The following EXT1 variants were observed in gnomAD, a reference collection of about 807,000 sequenced individuals.
The protein encoded by EXT1 is exostosin glycosyltransferase 1.
In EXT1, 20 loss-of-function variants were observed where a neutral mutation model predicts 82.5. The observed-to-expected ratio is 0.24, with a 90% CI of 0.17 to 0.35. EXT1 has a LOEUF of 0.35. EXT1 is among the 10% of genes least tolerant of loss of function. The pLI, the probability that EXT1 is intolerant of heterozygous loss-of-function variation, is 1.00. For synonymous variants in EXT1, 348 were observed against 350.8 expected, an observed-to-expected ratio of 0.99 and a Z score of 0.09; for missense variants, 757 against 936.5, an observed-to-expected ratio of 0.81 and a Z score of 2.50.
At chr8:117,876,486 AT>A (rs1225191046) in intron 1 of EXT1, among the ~76,000 whole-genome samples, 1 of 152,236 alleles carries the variant, frequency 6.6e-6, no homozygotes, top group East Asian at 1.9e-4. Context: ...TGTTCCACAT[AT>A]GTGGTCCAAT....
intron 1 of EXT1, among the ~76,000 whole-genome samples, chr8:118,000,538 T>C (rs1327015815): frequency 1.3e-5 from 2 of 152,226 alleles, no homozygotes; most frequent in South Asian, 4.1e-4. Flanking sequence ...GGCAATGTCT[T>C]AGCTGTAGCT....
chr8:117,934,588 G>A (rs1814123764), intron 1 of EXT1, among the ~76,000 whole-genome samples: 1 of 152,140 alleles, frequency 6.6e-6, no homozygotes, highest in Non-Finnish European at 1.5e-5. Flanking sequence ...AACCCTCTTT[G>A]CTTCCCTGTA....
At chr8:117,815,934 C>CA (rs58788900) in intron 7 of EXT1, among the ~76,000 whole-genome samples, 5,168 of 116,358 alleles carry the variant, frequency 0.044, 283 homozygotes, top group African/African-American at 0.15. Context: ...AACTCTGCCT[C>CA]AAAAAAAAAA....
At chr8:117,886,218 T>C (rs754457098) in intron 1 of EXT1, among the ~76,000 whole-genome samples, 4 of 152,214 alleles carry the variant, frequency 2.6e-5, no homozygotes, top group Non-Finnish European at 5.9e-5. Context: ...AATAAAGTTT[T>C]TGTTTGTTTG....
chr8:118,071,508 C>A (rs1817093905), intron 1 of EXT1, among the ~76,000 whole-genome samples: 1 of 147,838 alleles, frequency 6.8e-6, no homozygotes, highest in Non-Finnish European at 1.5e-5. Context: ...ATGACGATTA[C>A]CATCGCAAAA....
At chr8:117,923,725 C>CA (rs1194258802) in intron 1 of EXT1, among the ~76,000 whole-genome samples, 3,398 of 108,892 alleles carry the variant, frequency 0.031, 135 homozygotes, top group African/African-American at 0.098. Context: ...GACTCTGTCT[C>CA]AAAAAAAAAA....
intron 5 of EXT1, among the ~76,000 whole-genome samples, chr8:117,821,928 G>T (rs1811930956): frequency 6.6e-6 from 1 of 152,194 alleles, no homozygotes; most frequent in Non-Finnish European, 1.5e-5. Flanking sequence ...TGAAAGCAGA[G>T]ATTGTATCTT....
intron 1 of EXT1, among the ~76,000 whole-genome samples, chr8:117,900,671 G>A (rs915572206): frequency 3.9e-5 from 6 of 152,192 alleles, no homozygotes; most frequent in African/African-American, 1.4e-4. Context: ...GGAGTCAGCA[G>A]AGGCATGGGG....
At chr8:118,088,885 C>G (rs1223187913) in intron 1 of EXT1, among the ~76,000 whole-genome samples, 4 of 152,232 alleles carry the variant, frequency 2.6e-5, no homozygotes, top group East Asian at 3.9e-4. Context: ...TATCTGGCAG[C>G]CCGCTTTCCA....
At chr8:117,885,944 T>C (rs188172446) in intron 1 of EXT1, among the ~76,000 whole-genome samples, 8 of 152,270 alleles carry the variant, frequency 5.3e-5, no homozygotes, top group African/African-American at 1.4e-4. Flanking sequence ...TCCTAGAGTA[T>C]GGTGGAATGA....
chr8:117,845,273 C>T (rs1405454667), intron 1 of EXT1, among the ~76,000 whole-genome samples: 1 of 152,220 alleles, frequency 6.6e-6, no homozygotes, highest in Admixed American at 6.5e-5. Context: ...ACCTGTCTTT[C>T]ACAGGGATGA....
At chr8:117,835,573 G>A (rs751675114) in intron 2 of EXT1, 22 bp from the exon 3 acceptor site, 7 of 1,551,402 alleles carry the variant, frequency 4.5e-6, no homozygotes, top group African/African-American at 2.7e-5. Flanking sequence ...AGGGGACTTC[G>A]TGAATGTGAG....
At chr8:117,822,712 C>A in intron 4 of EXT1, 115 bp from the exon 5 acceptor site, 23 of 1,136,466 alleles carry the variant, frequency 2.0e-5, no homozygotes, top group Non-Finnish European at 3.0e-5. Flanking sequence ...CTCTACCCTC[C>A]CTCCCACTTT....
chr8:117,802,587 G>A (rs563855706), intron 10 of EXT1, among the ~76,000 whole-genome samples: 120 of 152,288 alleles, frequency 7.9e-4, no homozygotes, highest in South Asian at 1.9e-3. Flanking sequence ...ACCATATAGG[G>A]CTGTGTAAGT....
intron 1 of EXT1, among the ~76,000 whole-genome samples, chr8:118,018,437 A>G (rs978793820): frequency 4.6e-5 from 7 of 152,184 alleles, no homozygotes; most frequent in African/African-American, 1.7e-4. Flanking sequence ...TAGGCAAGAG[A>G]TATGGAACAG....
intron 1 of EXT1, among the ~76,000 whole-genome samples, chr8:117,852,322 C>A (rs892070256): frequency 1.3e-5 from 2 of 152,154 alleles, no homozygotes; most frequent in African/African-American, 4.8e-5. Flanking sequence ...ATGCAAGGGA[C>A]TAATTTATGT....
At chr8:117,815,538 A>G (rs1369014910) in intron 7 of EXT1, among the ~76,000 whole-genome samples, 1 of 152,212 alleles carries the variant, frequency 6.6e-6, no homozygotes, top group African/African-American at 2.4e-5. Flanking sequence ...GAGAGAAACC[A>G]ATGTATTTAC....
intron 1 of EXT1, among the ~76,000 whole-genome samples, chr8:117,854,154 T>TAAG (rs1488466511): frequency 2.0e-5 from 3 of 152,130 alleles, no homozygotes; most frequent in African/African-American, 7.2e-5. Flanking sequence ...GTTGTTAAGG[T>TAAG]AAGAGAGGTA....
chr8:117,833,667 G>A (rs967729800), intron 3 of EXT1, among the ~76,000 whole-genome samples: 2 of 151,690 alleles, frequency 1.3e-5, no homozygotes, highest in African/African-American at 4.8e-5. Flanking sequence ...CCTAAAATGC[G>A]CTCCATACCA....
Sources: allele counts gnomAD v4.1 joint callset (sites outside exome capture counted in the v4.1 genomes callset), GRCh38; gene constraint gnomAD v4.1.1; transcripts MANE v1.5; gene names NCBI Gene and HGNC (gene_info 2026-07-23, HGNC 2026-07-21).